The following SATB2 variants were observed in gnomAD, a reference collection of about 807,000 sequenced individuals.
SATB2 encodes the protein DNA-binding protein SATB2.
SATB2 carries 1 observed loss-of-function variant against 73.4 expected under a neutral mutation model. The ratio of observed to expected loss-of-function variants is 0.01; its 90% CI spans 0.00 to 0.06. SATB2 has a LOEUF of 0.06. SATB2 is among the 10% of genes least tolerant of loss of function. The pLI is 1.00. For missense variants in SATB2, 459 were observed against 945.8 expected, an observed-to-expected ratio of 0.49 and a Z score of 6.75; for synonymous variants, 397 against 367.0, an observed-to-expected ratio of 1.08 and a Z score of -0.93.
chr2:199,355,358 A>ATATATATATCTATATATATATATC (rs1558999289), intron 6 of SATB2, among the ~76,000 whole-genome samples: 3 of 25,854 alleles, frequency 1.2e-4, no homozygotes, highest in African/African-American at 1.8e-4. Flanking sequence ...CTATATATAT[A>ATATATATATCTATATATATATATC]TATATATATA....
At chr2:199,349,849 T>C (rs1246150283) in intron 6 of SATB2, among the ~76,000 whole-genome samples, 1 of 152,196 alleles carries the variant, frequency 6.6e-6, no homozygotes, top group East Asian at 1.9e-4. Context: ...GTTATCTGCT[T>C]TATTACATTA....
intron 10 of SATB2, among the ~76,000 whole-genome samples, chr2:199,292,661 G>C (rs1039889178): frequency 6.6e-6 from 1 of 152,168 alleles, no homozygotes. Flanking sequence ...TTTCTAAATT[G>C]AATGTAATAA....
chr2:199,328,982 C>T, intron 7 of SATB2, 72 bp from the exon 8 acceptor site: 4 of 1,149,280 alleles, frequency 3.5e-6, no homozygotes, highest in Non-Finnish European at 5.2e-6. Flanking sequence ...TGTCTTCCAC[C>T]CCTCTCCTCC....
At chr2:199,406,771 C>CT (rs1690641208) in intron 3 of SATB2, among the ~76,000 whole-genome samples, 1 of 150,062 alleles carries the variant, frequency 6.7e-6, no homozygotes, top group African/African-American at 2.5e-5. Context: ...CACTGAAAAG[C>CT]TGAAAAAAAA....
At chr2:199,437,641 C>T (rs889657548) in intron 2 of SATB2, among the ~76,000 whole-genome samples, 8 of 152,150 alleles carry the variant, frequency 5.3e-5, no homozygotes, top group Admixed American at 3.9e-4. Flanking sequence ...AGCTCCAATT[C>T]CTCCTAGCCA....
At chr2:199,314,342 GAA>G (rs1401893593) in intron 9 of SATB2, among the ~76,000 whole-genome samples, 2 of 151,322 alleles carry the variant, frequency 1.3e-5, no homozygotes, top group Non-Finnish European at 2.9e-5. Context: ...CTCAAATTCA[GAA>G]AGTTATTGTT....
intron 3 of SATB2, among the ~76,000 whole-genome samples, chr2:199,422,751 G>C (rs940935296): frequency 2.0e-5 from 3 of 152,034 alleles, no homozygotes; most frequent in Non-Finnish European, 1.5e-5. Context: ...ACTTCACAGG[G>C]TTATTATGAG....
At chr2:199,393,452 A>G (rs1016892856) in intron 3 of SATB2, among the ~76,000 whole-genome samples, 9 of 152,166 alleles carry the variant, frequency 5.9e-5, no homozygotes, top group African/African-American at 2.2e-4. Flanking sequence ...AGACTAGCCC[A>G]AGAGATGTTC....
At chr2:199,452,649 G>C (rs1253872891) in intron 2 of SATB2, among the ~76,000 whole-genome samples, 1 of 152,010 alleles carries the variant, frequency 6.6e-6, no homozygotes, top group Non-Finnish European at 1.5e-5. Context: ...AGCTGAGAGG[G>C]GACGCCAATT....
intron 9 of SATB2, among the ~76,000 whole-genome samples, chr2:199,316,130 CCAAA>C (rs1007069964): frequency 2.0e-5 from 3 of 152,180 alleles, no homozygotes; most frequent in African/African-American, 4.8e-5. Flanking sequence ...CATAAAGTCC[CCAAA>C]CAAACTTTTG....
At chr2:199,437,775 G>A (rs1691695266) in intron 2 of SATB2, among the ~76,000 whole-genome samples, 2 of 151,696 alleles carry the variant, frequency 1.3e-5, no homozygotes, top group Non-Finnish European at 2.9e-5. Flanking sequence ...TTCAAAATCG[G>A]TATTAATACC....
rs542614380 is a variant in SATB2, at chr2:199,365,728, T to C, written c.700+2877A>G. Among the ~76,000 whole-genome samples, 7 of 152,270 alleles carry C rather than the reference T, an allele frequency of 4.6e-5. No homozygotes were observed. The South Asian group carries it at 1.4e-3, about 32-fold the overall frequency. ...ATCTGTTTTTAATGATATCAAATTA[T>C]TGATTGTTCATTTTTCTCATATTTA... is the stretch of plus-strand genomic sequence containing the variant. On this transcript the variant is annotated intron_variant, in intron 6 of 10. Transcript: ENST00000417098.
At chr2:199,367,462 G>A (rs1053002139) in intron 6 of SATB2, among the ~76,000 whole-genome samples, 7 of 152,068 alleles carry the variant, frequency 4.6e-5, no homozygotes, top group African/African-American at 1.7e-4. Flanking sequence ...GCCAATGTTT[G>A]TAAACTTCAT....
At chr2:199,432,129 C>A (rs1289126381) in intron 3 of SATB2, among the ~76,000 whole-genome samples, 1 of 152,178 alleles carries the variant, frequency 6.6e-6, no homozygotes, top group African/African-American at 2.4e-5. Flanking sequence ...CTGCGCCCAG[C>A]CTGGCCAGCG....
At chr2:199,402,907 A>G (rs997133788) in intron 3 of SATB2, among the ~76,000 whole-genome samples, 1 of 152,236 alleles carries the variant, frequency 6.6e-6, no homozygotes, top group Non-Finnish European at 1.5e-5. Context: ...AATCAGGACA[A>G]TGAAGCTCTT....
chr2:199,413,330 T>C (rs999652414), intron 3 of SATB2, among the ~76,000 whole-genome samples: 1 of 152,198 alleles, frequency 6.6e-6, no homozygotes, highest in African/African-American at 2.4e-5. Context: ...TGTTTAATAA[T>C]GATGCCGGAG....
upstream of SATB2, among the ~76,000 whole-genome samples, chr2:199,462,347 A>T (rs1559070687): frequency 6.6e-6 from 1 of 152,100 alleles, no homozygotes; most frequent in Non-Finnish European, 1.5e-5. The surrounding 1 kb of genome is among the most constrained non-coding windows in gnomAD (Gnocchi z 5.9). Context: ...CTGTCCGTGG[A>T]GAGTTGGCGA....
chr2:199,456,652 C>T (rs1692284210), intron 1 of SATB2, among the ~76,000 whole-genome samples: 1 of 152,146 alleles, frequency 6.6e-6, no homozygotes, highest in African/African-American at 2.4e-5. Flanking sequence ...TAAGCACACA[C>T]CTGCATAAAA....
chr2:199,343,113 TACACACAC>T (rs60947005), intron 7 of SATB2, among the ~76,000 whole-genome samples: 43 of 151,216 alleles, frequency 2.8e-4, no homozygotes, highest in Admixed American at 1.7e-3. Flanking sequence ...TTTTATTTTA[TACACACAC>T]ACACACACAC....
Sources: allele counts gnomAD v4.1 joint callset (sites outside exome capture counted in the v4.1 genomes callset), GRCh38; gene constraint gnomAD v4.1.1; non-coding constraint Gnocchi (gnomAD v3.1); transcripts MANE v1.5; gene names NCBI Gene and HGNC (gene_info 2026-07-23, HGNC 2026-07-21).